Variants in NAALADL2 observed in about 807,000 individuals in gnomAD.
NAALADL2 encodes inactive N-acetylated-alpha-linked acidic dipeptidase-like protein 2.
A neutral mutation model predicts 87.2 loss-of-function variants in NAALADL2; 76 were observed. The ratio of observed to expected loss-of-function variants is 0.87; its 90% CI spans 0.72 to 1.05. The LOEUF (loss-of-function observed/expected upper bound fraction) is 1.05. NAALADL2 is among the 50% of genes least tolerant of loss of function. NAALADL2 has a pLI of 0.00. For missense variants in NAALADL2, 1,089 were observed against 945.8 expected (o/e 1.15, Z -1.99); for synonymous variants, 354 against 331.0 (o/e 1.07, Z -0.75).
At chr3:175,603,472 A>G (rs189476240) in intron 10 of NAALADL2, among the ~76,000 whole-genome samples, 1 of 151,210 alleles carries the variant, frequency 6.6e-6, no homozygotes, top group Non-Finnish European at 1.5e-5. Context: ...ATGATTCCCC[A>G]CTCCCTTCTC....
At chr3:175,393,431 CAT>C (rs912305881) in intron 5 of NAALADL2, among the ~76,000 whole-genome samples, 6 of 149,448 alleles carry the variant, frequency 4.0e-5, no homozygotes, top group African/African-American at 1.5e-4. Context: ...TCTTTGAAAT[CAT>C]ATTTTTTTAA....
chr3:175,009,579 A>G (rs1195752502), intron 1 of NAALADL2, among the ~76,000 whole-genome samples: 1 of 152,218 alleles, frequency 6.6e-6, no homozygotes, highest in Non-Finnish European at 1.5e-5. Flanking sequence ...GGAAGAAGTT[A>G]AAATGATATC....
chr3:175,793,261 G>A (rs528344942), intron 13 of NAALADL2, among the ~76,000 whole-genome samples: 5 of 149,532 alleles, frequency 3.3e-5, no homozygotes, highest in Admixed American at 6.6e-5. Context: ...ATGACATAGA[G>A]AGGCAAGATT....
intron 2 of NAALADL2, among the ~76,000 whole-genome samples, chr3:174,603,369 C>T (rs1378596240): frequency 4.0e-5 from 6 of 151,880 alleles, no homozygotes; most frequent in Admixed American, 3.9e-4. Flanking sequence ...TGTCCATTTT[C>T]TGTATATTTT....
intron 4 of NAALADL2, among the ~76,000 whole-genome samples, chr3:175,322,813 G>A (rs903567967): frequency 2.3e-4 from 34 of 147,972 alleles, no homozygotes; most frequent in African/African-American, 8.1e-4. Flanking sequence ...AGTTAGAATG[G>A]CAATCATTAA....
intron 13 of NAALADL2, 25 bp from the exon 14 acceptor site, chr3:175,802,980 T>C: frequency 6.6e-7 from 1 of 1,519,774 alleles, no homozygotes; most frequent in Non-Finnish European, 9.1e-7. Context: ...CATGAAACAT[T>C]TATACATTTT....
chr3:175,403,851 G>A (rs1411088977), intron 5 of NAALADL2, among the ~76,000 whole-genome samples: 2 of 152,062 alleles, frequency 1.3e-5, no homozygotes, highest in Non-Finnish European at 2.9e-5. Context: ...AGCATTAGAT[G>A]CCACATCCTA....
chr3:174,966,877 A>C (rs1234863131), intron 1 of NAALADL2, among the ~76,000 whole-genome samples: 1 of 152,160 alleles, frequency 6.6e-6, no homozygotes, highest in East Asian at 1.9e-4. Flanking sequence ...TCCCTGGAAA[A>C]AACTTTCCGG....
intron 1 of NAALADL2, among the ~76,000 whole-genome samples, chr3:174,959,656 G>A (rs2108548772): frequency 6.6e-6 from 1 of 152,124 alleles, no homozygotes; most frequent in South Asian, 2.1e-4. Flanking sequence ...TATTGCATGG[G>A]AAATAGTAAT....
At chr3:175,008,313 C>T (rs551612886) in intron 1 of NAALADL2, among the ~76,000 whole-genome samples, 4 of 152,186 alleles carry the variant, frequency 2.6e-5, no homozygotes, top group South Asian at 4.2e-4. Flanking sequence ...CGCAGGAGTT[C>T]GAGACTGCAG....
intron 1 of NAALADL2, among the ~76,000 whole-genome samples, chr3:174,946,648 TAAAG>T (rs1739471697): frequency 6.6e-6 from 1 of 151,742 alleles, no homozygotes; most frequent in Admixed American, 6.6e-5. Flanking sequence ...CACAAAATAA[TAAAG>T]AGTGAAGGAA....
At chr3:175,309,142 T>C (rs1758042403) in intron 4 of NAALADL2, among the ~76,000 whole-genome samples, 1 of 152,194 alleles carries the variant, frequency 6.6e-6, no homozygotes, top group Admixed American at 6.5e-5. Flanking sequence ...AAGTAACAAA[T>C]TTATTTCCCT....
Position 174,638,012 on chromosome 3 carries a change from C to T in NAALADL2, c.-115+87375C>T, listed in dbSNP as rs187392828. Among the ~76,000 whole-genome samples, 11 of 152,102 alleles carry T rather than the reference C, an allele frequency of 7.2e-5. No homozygotes were observed. The East Asian group carries it at 1.9e-3, about 27-fold the overall frequency. On this transcript the variant is annotated intron_variant, in intron 2 of 3. Coordinates refer to the NAALADL2 transcript ENST00000434257. ...TTATTTAAAATAAAGAAATAAGTAT[C>T]AATGAAATGCACCAATAGTAGCATT... is the stretch of plus-strand genomic sequence containing the variant.
At chr3:175,456,436 A>G (rs1722331461) in intron 6 of NAALADL2, among the ~76,000 whole-genome samples, 1 of 151,984 alleles carries the variant, frequency 6.6e-6, no homozygotes, top group East Asian at 1.9e-4. Context: ...GGTAAATGTG[A>G]GCTGGAAATG....
At chr3:175,641,116 T>C (rs1250163572) in intron 11 of NAALADL2, among the ~76,000 whole-genome samples, 2 of 152,156 alleles carry the variant, frequency 1.3e-5, no homozygotes, top group Non-Finnish European at 2.9e-5. Flanking sequence ...TTGTTTCCTC[T>C]TACCTCATGA....
intron 8 of NAALADL2, among the ~76,000 whole-genome samples, chr3:175,469,702 A>C (rs1724591429): frequency 6.6e-6 from 1 of 152,072 alleles, no homozygotes; most frequent in South Asian, 2.1e-4. Context: ...AAGAAGTCAT[A>C]GTTCAAATTC....
chr3:174,465,101 A>G (rs1716454615), intron 1 of NAALADL2, among the ~76,000 whole-genome samples: 2 of 152,130 alleles, frequency 1.3e-5, no homozygotes, highest in Admixed American at 6.5e-5. Context: ...AATGTTTTTT[A>G]AATTTTAAAA....
intron 10 of NAALADL2, among the ~76,000 whole-genome samples, chr3:175,621,002 C>T (rs1726150377): frequency 6.6e-6 from 1 of 152,038 alleles, no homozygotes; most frequent in Non-Finnish European, 1.5e-5. Flanking sequence ...GAGGCTCTGA[C>T]CGGAGGTATT....
intron 2 of NAALADL2, among the ~76,000 whole-genome samples, chr3:175,232,095 T>C (rs1745020931): frequency 6.7e-6 from 1 of 150,116 alleles, no homozygotes; most frequent in Admixed American, 6.6e-5. Flanking sequence ...AGTAGATATT[T>C]AAAAAGAAGA....
Sources: gnomAD v4.1 joint callset for allele counts (sites outside exome capture counted in the v4.1 genomes callset) on GRCh38, gnomAD v4.1.1 for gene constraint, MANE v1.5 for transcripts, NCBI Gene and HGNC (gene_info 2026-07-23, HGNC 2026-07-21) for gene names.